The following MAST4 variants were observed in gnomAD, a reference collection of about 807,000 sequenced individuals.
MAST4 encodes the protein microtubule-associated serine/threonine-protein kinase 4.
Under a neutral mutation model 162.7 loss-of-function variants are expected in MAST4, and 89 were observed. The observed-to-expected ratio is 0.55, with a 90% CI of 0.46 to 0.65. The LOEUF is 0.65. MAST4 is among the 30% of genes least tolerant of loss of function. The probability of loss-of-function intolerance (pLI) is 0.00; values close to 1 mark genes in which losing one functional copy is unlikely to be tolerated. For synonymous variants in MAST4, 1,479 were observed against 1,361.1 expected (o/e 1.09, Z -1.91); for missense variants, 3,153 against 3,374.0 (o/e 0.93, Z 1.62).
At chr5:66,751,803 G>C (rs532421649) in intron 1 of MAST4, among the ~76,000 whole-genome samples, 1 of 149,054 alleles carries the variant, frequency 6.7e-6, no homozygotes, top group South Asian at 2.2e-4. Context: ...ACGCCACAAA[G>C]ATACTCCTCG....
chr5:66,810,050 A>G (rs1756401744), intron 3 of MAST4, among the ~76,000 whole-genome samples: 1 of 152,318 alleles, frequency 6.6e-6, no homozygotes. Context: ...ACACCATTGT[A>G]TAAATTGTCT....
intron 1 of MAST4, among the ~76,000 whole-genome samples, chr5:66,708,369 G>A (rs1453247823): frequency 1.3e-5 from 2 of 152,148 alleles, no homozygotes; most frequent in African/African-American, 2.4e-5. Flanking sequence ...ATGAGAGTGT[G>A]AACAAACCTC....
chr5:67,037,825 A>G (rs1307741848), intron 4 of MAST4, among the ~76,000 whole-genome samples: 1 of 152,142 alleles, frequency 6.6e-6, no homozygotes, highest in East Asian at 1.9e-4. Context: ...TAATTAATAT[A>G]TCATTAATTC....
At chr5:66,991,649 G>A (rs1750077925) in intron 4 of MAST4, among the ~76,000 whole-genome samples, 2 of 152,258 alleles carry the variant, frequency 1.3e-5, no homozygotes, top group Admixed American at 1.3e-4. Flanking sequence ...GGATCTTTCC[G>A]AGCCATGATT....
intron 3 of MAST4, among the ~76,000 whole-genome samples, chr5:66,842,866 A>G (rs1343609272): frequency 2.6e-5 from 4 of 152,160 alleles, no homozygotes; most frequent in Non-Finnish European, 4.4e-5. Context: ...TGCACATTCT[A>G]TTATTCATGT....
intron 1 of MAST4, among the ~76,000 whole-genome samples, chr5:66,746,988 C>A (rs888959890): frequency 6.6e-6 from 1 of 151,238 alleles, no homozygotes; most frequent in Non-Finnish European, 1.5e-5. Context: ...AGACTGTTGA[C>A]TTTATTGCTT....
intron 3 of MAST4, among the ~76,000 whole-genome samples, chr5:66,805,033 A>C (rs1335674047): frequency 1.3e-5 from 2 of 152,000 alleles, no homozygotes; most frequent in Non-Finnish European, 2.9e-5. Flanking sequence ...GTGGCTTCTG[A>C]ATTTCATGTC....
chr5:66,656,731 T>C (rs1001061355), intron 1 of MAST4, among the ~76,000 whole-genome samples: 2 of 152,240 alleles, frequency 1.3e-5, no homozygotes, highest in African/African-American at 4.8e-5. Context: ...TGCTTTCTGC[T>C]GTGTCTTGAC....
intron 4 of MAST4, among the ~76,000 whole-genome samples, chr5:67,011,970 A>C (rs1221486007): frequency 3.3e-5 from 5 of 151,890 alleles, no homozygotes; most frequent in African/African-American, 1.2e-4. Context: ...CATATGCTGC[A>C]TGGGGAGGCA....
At chr5:66,993,836 T>C (rs1236903095) in intron 4 of MAST4, among the ~76,000 whole-genome samples, 4 of 152,056 alleles carry the variant, frequency 2.6e-5, no homozygotes, top group African/African-American at 9.6e-5. Flanking sequence ...CCTCTCAAAC[T>C]TTAAGAATCA....
At chr5:66,971,934 G>A (rs1747486228) in intron 4 of MAST4, among the ~76,000 whole-genome samples, 1 of 152,066 alleles carries the variant, frequency 6.6e-6, no homozygotes, top group African/African-American at 2.4e-5. Context: ...TTCTTGGAGA[G>A]CATAAGATGG....
intron 1 of MAST4, among the ~76,000 whole-genome samples, chr5:66,635,293 C>T (rs1580059224): frequency 1.3e-5 from 2 of 152,260 alleles, no homozygotes; most frequent in South Asian, 4.1e-4. Context: ...GGAAACGACA[C>T]GTTAGTTTTG....
intron 4 of MAST4, among the ~76,000 whole-genome samples, chr5:67,010,446 C>A (rs542090783): frequency 7.9e-5 from 12 of 152,180 alleles, no homozygotes; most frequent in African/African-American, 2.9e-4. Context: ...TGGGGACAGG[C>A]ATCTGGGAAC....
chr5:66,935,753 C>T (rs1180134251), intron 4 of MAST4, among the ~76,000 whole-genome samples: 5 of 151,848 alleles, frequency 3.3e-5, no homozygotes, highest in East Asian at 1.9e-4. Flanking sequence ...CTGCCACCTC[C>T]GCCTCCCGGG....
chr5:66,698,862 C>T (rs149130567), intron 1 of MAST4, among the ~76,000 whole-genome samples: 2 of 152,344 alleles, frequency 1.3e-5, no homozygotes, highest in Non-Finnish European at 2.9e-5. Context: ...CCTTTAAACT[C>T]TCCCTCCATG....
chr5:66,748,053 G>T (rs766743517), intron 1 of MAST4, among the ~76,000 whole-genome samples: 1 of 152,090 alleles, frequency 6.6e-6, no homozygotes, highest in Non-Finnish European at 1.5e-5. Flanking sequence ...CTTTGCCAGG[G>T]GATTTCTAGG....
chr5:66,635,104 T>C (rs1003261948), intron 1 of MAST4, among the ~76,000 whole-genome samples: 5 of 152,206 alleles, frequency 3.3e-5, no homozygotes, highest in African/African-American at 4.8e-5. Flanking sequence ...TAGCCTAGGT[T>C]ATACCACACA....
chr5:66,905,113 C>T (rs111274363), intron 4 of MAST4, among the ~76,000 whole-genome samples: 19,414 of 151,892 alleles, frequency 0.13, 1,516 homozygotes, highest in African/African-American at 0.2. Flanking sequence ...CAGGACCAGC[C>T]CAGCCAACAT....
chr5:66,854,598 C>A (rs78329464), intron 3 of MAST4, among the ~76,000 whole-genome samples: 1 of 152,018 alleles, frequency 6.6e-6, no homozygotes, highest in Admixed American at 6.5e-5. Context: ...TTCCATCAGA[C>A]GGAGCATGGG....
Sources: gnomAD v4.1 joint callset for allele counts (sites outside exome capture counted in the v4.1 genomes callset) on GRCh38, gnomAD v4.1.1 for gene constraint, MANE v1.5 for transcripts, NCBI Gene and HGNC (gene_info 2026-07-23, HGNC 2026-07-21) for gene names.